FBXO11: variants seen among roughly 807,000 people sequenced by gnomAD.
FBXO11 encodes the protein F-box protein 11.
Under a neutral mutation model 117.0 loss-of-function variants are expected in FBXO11, and 13 were observed. The observed-to-expected ratio is 0.11, with a 90% CI of 0.07 to 0.18. The LOEUF (loss-of-function observed/expected upper bound fraction) is 0.18, where lower values mean the gene tolerates loss of function less well. Among genes scored for constraint, FBXO11 ranks in the 10% least tolerant of loss-of-function variants. The pLI, the probability that FBXO11 is intolerant of heterozygous loss-of-function variation, is 1.00. For synonymous variants in FBXO11, 490 were observed against 380.5 expected (o/e 1.29, Z -3.35); for missense variants, 767 against 1,164.4 (o/e 0.66, Z 4.97).
intron 11 of FBXO11, among the ~76,000 whole-genome samples, chr2:47,824,522 TTAAAA>T (rs1397590307): frequency 6.6e-6 from 1 of 152,154 alleles, no homozygotes; most frequent in Non-Finnish European, 1.5e-5. Flanking sequence ...AATCAGAGTC[TTAAAA>T]TAAGAGCAAT....
At chr2:47,890,620 A>G (rs1336273499) in intron 1 of FBXO11, among the ~76,000 whole-genome samples, 7 of 151,946 alleles carry the variant, frequency 4.6e-5, no homozygotes, top group African/African-American at 1.5e-4. Flanking sequence ...CCTGGCCAAC[A>G]TGACAAAACC....
At chr2:47,883,801 C>T (rs1007209685) in intron 1 of FBXO11, 25 of 224,090 alleles carry the variant, frequency 1.1e-4, no homozygotes, top group Middle Eastern at 2.2e-3. Flanking sequence ...TCGCCTTAGT[C>T]GGGAGTGCCC....
At position 47,885,467 on chromosome 2, in the gene FBXO11, C is replaced by T. The variant is rs151201215; in HGVS notation, c.232+20022G>A. On this transcript the variant is annotated intron_variant, in intron 1 of 22. Transcript: ENST00000403359. ...GTGTATGCCTGTAATCCCAGCTACT[C>T]GGGAGGCTGAGGCACGAGAAACACT... is the stretch of plus-strand genomic sequence containing the variant. 5.5e-3 allele frequency among the ~76,000 whole-genome samples: 841 copies of T among 152,012 alleles called. 1 individual carries two copies. The highest frequency in any genetic ancestry group is 0.014 in the Middle Eastern group (4 of 294).
chr2:47,894,356 A>G (rs180808538), intron 1 of FBXO11, among the ~76,000 whole-genome samples: 1 of 152,356 alleles, frequency 6.6e-6, no homozygotes, highest in Admixed American at 6.5e-5. Context: ...GCAGAAAACT[A>G]GAAATGAAAT....
chr2:47,814,214 G>C (rs961791090), intron 16 of FBXO11: 3 of 210,970 alleles, frequency 1.4e-5, no homozygotes, highest in African/African-American at 2.3e-5. Flanking sequence ...ATAATAAAGC[G>C]AGTATTGCAA....
chr2:47,861,812 G>A lies in FBXO11; in HGVS notation c.233-22043C>T, dbSNP rs190771275. ...GGCAGCCATCCTAGGTCCTTAAGGA[G>A]AACTAACCTAAGGCCCATGTTGGCA... On this transcript the variant is annotated intron_variant, in intron 1 of 22. Coordinates refer to ENST00000403359, the MANE Select transcript of FBXO11 (RefSeq NM_001190274.2). 1.1e-3 allele frequency among the ~76,000 whole-genome samples: 167 copies of A among 152,260 alleles called. 1 individual carries two copies. The highest frequency in any genetic ancestry group is 2.2e-3 in the Non-Finnish European group (147 of 68,026).
chr2:47,821,295 T>C (rs1356243424), intron 13 of FBXO11, among the ~76,000 whole-genome samples: 1 of 151,516 alleles, frequency 6.6e-6, no homozygotes, highest in Admixed American at 6.6e-5. Flanking sequence ...CTGGCCAACA[T>C]GGCAAAACCT....
chr2:47,868,665 TG>T (rs1165316270), intron 1 of FBXO11, among the ~76,000 whole-genome samples: 1 of 152,154 alleles, frequency 6.6e-6, no homozygotes, highest in Non-Finnish European at 1.5e-5. Context: ...GTGGCCATAC[TG>T]GGAGGAATGG....
Position 47,808,071 on chromosome 2 carries a change from T to C in FBXO11, c.*47A>G. 1.3e-6 allele frequency: 2 copies of C among 1,520,890 alleles called. No individual in the cohort carries two copies. Among genetic ancestry groups the C allele is most frequent in the South Asian group, 1.2e-5 (1 of 85,018 alleles). The allele number at this position is 1,520,890 out of a possible 1,614,324, so 94.2% of individuals were successfully genotyped here. A position where few individuals can be genotyped will look rare whatever the true frequency, so the allele number is the denominator to read the frequency against. The stretch of plus-strand genomic sequence containing the variant: ...TAAATCTTCTTCCAAAAAAGTGTTT[T>C]AAGTTATGATGTTACAATGGCAGGA... On this transcript the variant is annotated 3_prime_UTR_variant, in exon 23 of 23. Transcript: ENST00000403359.
chr2:47,903,292 T>C (rs941458260), intron 1 of FBXO11, among the ~76,000 whole-genome samples: 6 of 152,240 alleles, frequency 3.9e-5, no homozygotes, highest in Non-Finnish European at 2.9e-5. Context: ...TAAAGTTCTT[T>C]TCCTCTCTGC....
intron 14 of FBXO11, among the ~76,000 whole-genome samples, chr2:47,819,756 T>C (rs1451815274): frequency 6.6e-6 from 1 of 152,206 alleles, no homozygotes; most frequent in African/African-American, 2.4e-5. Flanking sequence ...TATGGCTTCA[T>C]GTTCCCAAAA....
chr2:47,874,632 T>A (rs1675863901), intron 1 of FBXO11, among the ~76,000 whole-genome samples: 1 of 152,184 alleles, frequency 6.6e-6, no homozygotes, highest in Non-Finnish European at 1.5e-5. Flanking sequence ...ACTCCTGGGT[T>A]GAAACAATTC....
chr2:47,832,545 A>G, intron 10 of FBXO11, 27 bp downstream of exon 10: 1 of 1,607,624 alleles, frequency 6.2e-7, no homozygotes, highest in South Asian at 1.1e-5. Context: ...TCTAAAAAGA[A>G]AAAAACCACA....
chr2:47,809,087 G>GCT, intron 21 of FBXO11, 71 bp downstream of exon 21: 1 of 937,098 alleles, frequency 1.1e-6, no homozygotes, highest in Non-Finnish European at 1.7e-6. Flanking sequence ...AGCCAAAAAT[G>GCT]CTAGGCATTG....
rs753249989 is a variant in FBXO11, at chr2:47,834,887, C to G, written c.718-16G>C. ...CACCTTTATACTAAAATGTCAAAAA[C>G]AAAACAAAACCATTGACTACTAACA... On this transcript the variant is annotated splice_polypyrimidine_tract_variant and intron_variant, in intron 5 of 22. Coordinates refer to ENST00000403359, the MANE Select transcript of FBXO11 (RefSeq NM_001190274.2). 6.3e-7 allele frequency: 1 copy of G among 1,584,422 alleles called. No homozygotes were observed. Among genetic ancestry groups the G allele is most frequent in the South Asian group, 1.1e-5 (1 of 89,090 alleles).
intron 1 of FBXO11, among the ~76,000 whole-genome samples, chr2:47,884,313 T>C (rs1299447710): frequency 6.6e-6 from 1 of 152,228 alleles, no homozygotes; most frequent in Non-Finnish European, 1.5e-5. Flanking sequence ...CTCTACTTTC[T>C]CTTTTCTGAA....
intron 14 of FBXO11, 76 bp downstream of exon 14, chr2:47,820,286 A>G (rs1671289822): frequency 8.8e-7 from 1 of 1,142,246 alleles, no homozygotes; most frequent in Admixed American, 2.0e-5. Flanking sequence ...TGGCCTACCT[A>G]AAAGCTTGAG....
chr2:47,838,751 C>A, intron 4 of FBXO11, 108 bp downstream of exon 4: 1 of 943,998 alleles, frequency 1.1e-6, no homozygotes, highest in Non-Finnish European at 1.6e-6. Flanking sequence ...TAATTTTGTT[C>A]CAACTAATTG....
chr2:47,813,982 T>C (rs1670821692), intron 16 of FBXO11, 115 bp from the exon 17 acceptor site: 1 of 753,074 alleles, frequency 1.3e-6, no homozygotes, highest in Non-Finnish European at 2.2e-6. Flanking sequence ...GAATTAACTA[T>C]ACAATGGAGT....
Sources: gnomAD v4.1 joint callset for allele counts (sites outside exome capture counted in the v4.1 genomes callset) on GRCh38, gnomAD v4.1.1 for gene constraint, MANE v1.5 for transcripts, NCBI Gene and HGNC (gene_info 2026-07-23, HGNC 2026-07-21) for gene names.